VDAC1: variants seen among roughly 807,000 people sequenced by gnomAD.
VDAC1 encodes the protein non-selective voltage-gated ion channel VDAC1.
Under a neutral mutation model 34.7 loss-of-function variants are expected in VDAC1, and 10 were observed. The ratio of observed to expected loss-of-function variants is 0.29; its 90% CI spans 0.18 to 0.49. The LOEUF is 0.49. VDAC1 is among the 20% of genes least tolerant of loss of function. The pLI is 0.99. For missense variants in VDAC1, 230 were observed against 347.9 expected (o/e 0.66, Z 2.69); for synonymous variants, 130 against 136.0 (o/e 0.96, Z 0.30).
chr5:134,004,754 C>G (rs1387490360), intron 1 of VDAC1, 141 bp downstream of exon 1: 1 of 149,698 alleles, frequency 6.7e-6, no homozygotes, highest in Non-Finnish European at 1.5e-5. Context: ...GGGCCAAGGG[C>G]GGGGCGGCGC....
the VDAC1 span, among the ~76,000 whole-genome samples, chr5:134,070,688 A>G: frequency 6.6e-6 from 1 of 152,136 alleles, no homozygotes; most frequent in African/African-American, 2.4e-5. Flanking sequence ...ATTCTATGTC[A>G]TCATTACTCA....
At chr5:134,009,247 C>CTTTT (rs869155174), upstream of VDAC1, among the ~76,000 whole-genome samples, 22 of 87,070 alleles carry the variant, frequency 2.5e-4, no homozygotes, top group Middle Eastern at 5.7e-3. Flanking sequence ...TTTATCAATT[C>CTTTT]TTTTTTTTTT....
intron 6 of VDAC1, among the ~76,000 whole-genome samples, chr5:133,979,361 T>C (rs559319411): frequency 1.2e-4 from 18 of 152,016 alleles, no homozygotes; most frequent in African/African-American, 4.1e-4. Context: ...ATGTTTCCTA[T>C]AGCTTTTTAG....
chr5:133,980,634 T>TTAA, intron 6 of VDAC1, 95 bp downstream of exon 6: 1 of 585,746 alleles, frequency 1.7e-6, no homozygotes. Context: ...TGGGCTTTCT[T>TTAA]AAAAAAAAAA....
chr5:134,006,604 G>A (rs991115908), upstream of VDAC1, among the ~76,000 whole-genome samples: 1 of 151,738 alleles, frequency 6.6e-6, no homozygotes, highest in Admixed American at 6.6e-5. Context: ...CTAGACGGGC[G>A]TGGTGGCGCG....
chr5:133,981,562 G>T (rs1752699944), intron 5 of VDAC1, among the ~76,000 whole-genome samples: 2 of 152,160 alleles, frequency 1.3e-5, no homozygotes. Context: ...TGCAGTCATG[G>T]GGGCCAGGAA....
intron 1 of VDAC1, among the ~76,000 whole-genome samples, chr5:134,004,253 G>A (rs549959992): frequency 1.3e-5 from 2 of 152,042 alleles, no homozygotes; most frequent in East Asian, 3.9e-4. Context: ...GGCGGCGAAC[G>A]GGTCCCCGCC....
At chr5:134,099,003 C>T in the VDAC1 span, among the ~76,000 whole-genome samples, 2 of 152,158 alleles carry the variant, frequency 1.3e-5, no homozygotes, top group Non-Finnish European at 2.9e-5. Context: ...AGAAGGGAGA[C>T]CAGGCGCCGC....
At chr5:133,998,387 T>C (rs1753415621) in intron 1 of VDAC1, among the ~76,000 whole-genome samples, 1 of 152,106 alleles carries the variant, frequency 6.6e-6, no homozygotes, top group African/African-American at 2.4e-5. Flanking sequence ...AATACAAAAA[T>C]TAGCCGGGCG....
intron 5 of VDAC1, among the ~76,000 whole-genome samples, chr5:133,987,735 A>G (rs1427021494): frequency 6.6e-6 from 1 of 152,250 alleles, no homozygotes; most frequent in Admixed American, 6.5e-5. Context: ...GAGAAATAGA[A>G]TATCTGCATA....
At chr5:133,978,299 C>G (rs1322945863) in intron 6 of VDAC1, among the ~76,000 whole-genome samples, 5 of 151,990 alleles carry the variant, frequency 3.3e-5, no homozygotes, top group Non-Finnish European at 5.9e-5. Context: ...CCATGCCCAG[C>G]TAATTTTTAA....
the VDAC1 span, among the ~76,000 whole-genome samples, chr5:134,069,263 T>G: frequency 6.6e-6 from 1 of 152,118 alleles, no homozygotes; most frequent in African/African-American, 2.4e-5. Context: ...CTCTAAACCT[T>G]ATGGTGCAGG....
At chr5:134,096,175 C>G in the VDAC1 span, among the ~76,000 whole-genome samples, 8 of 152,232 alleles carry the variant, frequency 5.3e-5, no homozygotes, top group Non-Finnish European at 1.0e-4. Flanking sequence ...CTGACTCCCC[C>G]GCCTTGGTTC....
chr5:133,974,327 T>C (rs533322681), intron 7 of VDAC1, among the ~76,000 whole-genome samples: 4 of 152,232 alleles, frequency 2.6e-5, no homozygotes, highest in South Asian at 2.1e-4. Flanking sequence ...ATGAGCCCAA[T>C]AGGATTTACT....
the VDAC1 span, among the ~76,000 whole-genome samples, chr5:134,085,722 T>TAAAAAAAAGAA: frequency 2.3e-5 from 1 of 44,224 alleles, no homozygotes; most frequent in African/African-American, 1.0e-4. Context: ...ACCCCATTTC[T>TAAAAAAAAGAA]AAAAAAAAAA....
chr5:134,062,646 C>T, the VDAC1 span, among the ~76,000 whole-genome samples: 119 of 151,532 alleles, frequency 7.9e-4, no homozygotes, highest in African/African-American at 2.7e-3. Flanking sequence ...TCTTTGTTTG[C>T]GATGGAGTCT....
intron 1 of VDAC1, among the ~76,000 whole-genome samples, chr5:133,998,491 T>C (rs1013246002): frequency 5.3e-5 from 8 of 152,230 alleles, no homozygotes; most frequent in Non-Finnish European, 7.4e-5. Context: ...GCCAAGATCG[T>C]GCCACTGCAC....
At chr5:134,013,360 A>T in the VDAC1 span, among the ~76,000 whole-genome samples, 1 of 152,148 alleles carries the variant, frequency 6.6e-6, no homozygotes. Flanking sequence ...ACTTGAGTCC[A>T]GGAGGTCGAG....
At chr5:134,052,114 C>T in the VDAC1 span, among the ~76,000 whole-genome samples, 15 of 152,124 alleles carry the variant, frequency 9.9e-5, 1 homozygote, top group Middle Eastern at 3.2e-3. Context: ...CCTCCACCAG[C>T]GGGAAAGGAA....
Sources: gnomAD v4.1 joint callset for allele counts (sites outside exome capture counted in the v4.1 genomes callset) on GRCh38, gnomAD v4.1.1 for gene constraint, MANE v1.5 for transcripts, NCBI Gene and HGNC (gene_info 2026-07-23, HGNC 2026-07-21) for gene names.